Variants in TANC1 observed in about 807,000 individuals in gnomAD.
TANC1 encodes the protein protein TANC1.
In TANC1, 77 loss-of-function variants were observed where a neutral mutation model predicts 149.7. The ratio of observed to expected loss-of-function variants is 0.51; its 90% CI spans 0.43 to 0.62. The LOEUF (loss-of-function observed/expected upper bound fraction) is 0.62, where lower values mean the gene tolerates loss of function less well. Ranked by LOEUF, TANC1 falls within the 20% of genes least tolerant of loss-of-function variation. The pLI is 0.00. For missense variants in TANC1, 1,985 were observed against 2,321.8 expected, an observed-to-expected ratio of 0.85 and a Z score of 2.98; for synonymous variants, 854 against 925.0, an observed-to-expected ratio of 0.92 and a Z score of 1.39.
intron 6 of TANC1, 166 bp from the exon 7 acceptor site, chr2:159,150,204 A>G: frequency 1.7e-6 from 1 of 573,698 alleles, no homozygotes; most frequent in Non-Finnish European, 3.1e-6. Flanking sequence ...ATTTATATAG[A>G]TAAAGCTCCA....
At chr2:159,041,537 C>T (rs915109773) in intron 2 of TANC1, among the ~76,000 whole-genome samples, 7 of 152,208 alleles carry the variant, frequency 4.6e-5, no homozygotes, top group Non-Finnish European at 1.0e-4. Flanking sequence ...AGCTCGATCT[C>T]GGACTGCTGT....
At chr2:158,995,847 G>A (rs996036263) in intron 1 of TANC1, among the ~76,000 whole-genome samples, 1 of 151,726 alleles carries the variant, frequency 6.6e-6, no homozygotes, top group Admixed American at 6.6e-5. Flanking sequence ...GATTACAGCC[G>A]ACCCGAGGGC....
chr2:159,021,405 A>G (rs544527210), intron 2 of TANC1, among the ~76,000 whole-genome samples: 1 of 152,308 alleles, frequency 6.6e-6, no homozygotes, highest in Non-Finnish European at 1.5e-5. Context: ...AAAGATAACC[A>G]AAGTAATCTA....
At chr2:159,102,006 A>G (rs1217520781) in intron 4 of TANC1, among the ~76,000 whole-genome samples, 1 of 152,030 alleles carries the variant, frequency 6.6e-6, no homozygotes, top group Non-Finnish European at 1.5e-5. Flanking sequence ...AGTTTTGAAA[A>G]CTTCTCTGCC....
rs780449469 is a variant in TANC1, at chr2:159,149,337, T to C, written c.495+65T>C. 6.2e-6 allele frequency: 10 copies of C among 1,603,994 alleles called. No individual in the cohort carries two copies. The African/African-American group carries it at 1.1e-4, about 17-fold the overall frequency. The stretch of plus-strand genomic sequence containing the variant: ...GAGGATGAACGAAGCAATAACCATC[T>C]TCTCCCTTTCCTTGAGCAGGGAAGC... On this transcript the variant is annotated intron_variant, in intron 6 of 26. Transcript: ENST00000263635.
At chr2:159,016,001 G>A (rs545079827) in intron 2 of TANC1, among the ~76,000 whole-genome samples, 1 of 152,190 alleles carries the variant, frequency 6.6e-6, no homozygotes, top group Admixed American at 6.5e-5. Context: ...TTCCAAAGCC[G>A]CTTCCACATT....
chr2:158,993,254 T>C (rs1156486402), intron 1 of TANC1, among the ~76,000 whole-genome samples: 2 of 151,574 alleles, frequency 1.3e-5, no homozygotes, highest in Non-Finnish European at 2.9e-5. Flanking sequence ...TGTTTTGTTT[T>C]GTTTTTTGTT....
rs375635360 is a variant in TANC1 at position 159,053,004 on chromosome 2, T to G, written c.-15-12892T>G. ...ACTTAAAAATCATTCAAAAACACTC[T>G]GAGGGTACAGATTGCTGAAGCCATC... On this transcript the variant is annotated intron_variant, in intron 2 of 26. Transcript: ENST00000263635. 4.6e-5 allele frequency among the ~76,000 whole-genome samples: 7 copies of G among 152,352 alleles called. No individual in the cohort carries two copies. In the South Asian group the frequency reaches 1.4e-3, roughly 32 times the overall value.
At chr2:159,198,866 A>G (rs2058050505) in intron 18 of TANC1, 109 bp from the exon 19 acceptor site, 1 of 704,300 alleles carries the variant, frequency 1.4e-6, no homozygotes, top group Admixed American at 2.3e-5. Context: ...CTCCTTGGGC[A>G]GTGTGAGATA....
At chr2:159,133,833 G>T (rs1480567458) in intron 4 of TANC1, among the ~76,000 whole-genome samples, 1 of 152,148 alleles carries the variant, frequency 6.6e-6, no homozygotes, top group Non-Finnish European at 1.5e-5. Context: ...AAAAACGATG[G>T]TTCCTGAAGT....
intron 19 of TANC1, among the ~76,000 whole-genome samples, chr2:159,200,030 G>A (rs1472587291): frequency 1.3e-5 from 2 of 152,176 alleles, no homozygotes; most frequent in African/African-American, 2.4e-5. Context: ...GAATTCCAGC[G>A]GAGTTGGATT....
chr2:158,988,325 CAAAAAAAAAAA>C (rs1285907133), intron 1 of TANC1, among the ~76,000 whole-genome samples: 3 of 87,418 alleles, frequency 3.4e-5, no homozygotes, highest in Non-Finnish European at 7.3e-5. Flanking sequence ...GACCCTGTCC[CAAAAAAAAAAA>C]AAAAAAAGAA....
chr2:158,996,928 T>C (rs2036180674), intron 1 of TANC1, among the ~76,000 whole-genome samples: 1 of 151,578 alleles, frequency 6.6e-6, no homozygotes, highest in South Asian at 2.1e-4. Flanking sequence ...CAGCTGTTCA[T>C]ACCTCTCCAT....
At chr2:159,004,943 T>G (rs1444514173) in intron 2 of TANC1, among the ~76,000 whole-genome samples, 1 of 152,196 alleles carries the variant, frequency 6.6e-6, no homozygotes, top group Non-Finnish European at 1.5e-5. Context: ...AAGCATTGTT[T>G]CTATAGATTA....
chr2:159,145,496 A>T (rs548108466), intron 5 of TANC1, among the ~76,000 whole-genome samples: 1 of 152,216 alleles, frequency 6.6e-6, no homozygotes, highest in Admixed American at 6.5e-5. Context: ...TCAGTACCCA[A>T]AAGGATCTGG....
intron 2 of TANC1, among the ~76,000 whole-genome samples, chr2:159,019,974 C>A (rs1207717637): frequency 1.3e-5 from 2 of 151,928 alleles, no homozygotes; most frequent in South Asian, 4.2e-4. Context: ...CAAGCGCTGC[C>A]AAGAGTTCAC....
At chr2:158,976,823 G>A (rs191919699) in intron 1 of TANC1, among the ~76,000 whole-genome samples, 5 of 152,258 alleles carry the variant, frequency 3.3e-5, no homozygotes, top group Admixed American at 6.5e-5. Flanking sequence ...GGAGGTTGCC[G>A]TGAGCCAAGA....
intron 1 of TANC1, among the ~76,000 whole-genome samples, chr2:158,989,729 T>C (rs1299162262): frequency 6.6e-6 from 1 of 152,096 alleles, no homozygotes; most frequent in Admixed American, 6.6e-5. Context: ...ATAATAATTA[T>C]GAAGATGTCA....
chr2:158,981,435 C>T (rs2034298104), intron 1 of TANC1, among the ~76,000 whole-genome samples: 1 of 144,360 alleles, frequency 6.9e-6, no homozygotes, highest in African/African-American at 2.5e-5. Context: ...GCACTCCAGC[C>T]TGGGTGACAG....
Sources: allele counts gnomAD v4.1 joint callset (sites outside exome capture counted in the v4.1 genomes callset), GRCh38; gene constraint gnomAD v4.1.1; transcripts MANE v1.5; gene names NCBI Gene and HGNC (gene_info 2026-07-23, HGNC 2026-07-21).